Variants in SLC23A2 observed in about 807,000 individuals in gnomAD.
SLC23A2 encodes solute carrier family 23 member 2.
Under a neutral mutation model 73.3 loss-of-function variants are expected in SLC23A2, and 36 were observed. That is an observed-to-expected ratio of 0.49 (90% CI 0.38 to 0.65). The LOEUF (loss-of-function observed/expected upper bound fraction) is 0.65, where lower values mean the gene tolerates loss of function less well. Ranked by LOEUF, SLC23A2 falls within the 30% of genes least tolerant of loss-of-function variation. The probability of loss-of-function intolerance (pLI) is 0.00; values close to 1 mark genes in which losing one functional copy is unlikely to be tolerated. For missense variants in SLC23A2, 507 were observed against 841.6 expected (o/e 0.60, Z 4.92); for synonymous variants, 343 against 327.3 (o/e 1.05, Z -0.52).
chr20:4,949,485 C>T (rs1389396743), intron 2 of SLC23A2, among the ~76,000 whole-genome samples: 3 of 152,144 alleles, frequency 2.0e-5, no homozygotes, highest in Non-Finnish European at 4.4e-5. Flanking sequence ...TTCTCTCTCA[C>T]ATACCTAAGG....
intron 6 of SLC23A2, among the ~76,000 whole-genome samples, chr20:4,889,313 G>A (rs771012516): frequency 1.3e-5 from 2 of 152,208 alleles, no homozygotes; most frequent in Admixed American, 6.5e-5. Context: ...GGAACCCTCA[G>A]AGGACTGCAG....
chr20:4,900,142 G>T (rs1454902839), intron 5 of SLC23A2, among the ~76,000 whole-genome samples: 1 of 152,186 alleles, frequency 6.6e-6, no homozygotes, highest in Non-Finnish European at 1.5e-5. Context: ...AAAGTGCTGG[G>T]ATTACAGGCG....
chr20:4,971,618 CA>C (rs944620433), intron 1 of SLC23A2, among the ~76,000 whole-genome samples: 518 of 60,090 alleles, frequency 8.6e-3, no homozygotes, highest in African/African-American at 0.013. Context: ...CTTGTCTCTA[CA>C]AAAAAAAAAA....
At chr20:4,990,360 T>C (rs2087905489) in intron 1 of SLC23A2, among the ~76,000 whole-genome samples, 1 of 151,698 alleles carries the variant, frequency 6.6e-6, no homozygotes. Flanking sequence ...CTCTAGCTTA[T>C]TTTTTATTTT....
At chr20:4,886,284 G>A (rs75694970) in intron 6 of SLC23A2, among the ~76,000 whole-genome samples, 2,453 of 152,236 alleles carry the variant, frequency 0.016, 29 homozygotes, top group Middle Eastern at 0.058. Context: ...GTGTATTTCT[G>A]CTTTTTTACC....
In SLC23A2 at chr20:4,902,604, C is replaced by T; in HGVS notation, c.208-46G>A. 9.0e-7 allele frequency: 1 copy of T among 1,111,060 alleles called. No individual in the cohort carries two copies. Among genetic ancestry groups the T allele is most frequent in the South Asian group, 1.3e-5 (1 of 75,008 alleles). 68.8% of individuals were successfully genotyped at this position (1,111,060 alleles called of 1,614,324 possible). On this transcript the variant is annotated intron_variant, in intron 4 of 16. Coordinates refer to ENST00000338244, the MANE Select transcript of SLC23A2 (RefSeq NM_005116.6). The surrounding 1 kb of genome is among the most constrained non-coding windows in gnomAD (Gnocchi z 4.0). ...AGAAGGTGCTCATTAAACGTGAAGA[C>T]CAGTGTTAGCTCGGCCATGTACAGG...
intron 1 of SLC23A2, among the ~76,000 whole-genome samples, chr20:5,009,514 T>A (rs2088225815): frequency 6.6e-6 from 1 of 152,176 alleles, no homozygotes. Flanking sequence ...CCTCACTAAT[T>A]GTCAGTGCAT....
In SLC23A2 at chr20:4,889,701, C is replaced by T. The variant is rs80190493; in HGVS notation, c.483-3792G>A. 9.5e-3 allele frequency among the ~76,000 whole-genome samples: 1,449 copies of T among 152,032 alleles called. 25 individuals are homozygous for T. Among genetic ancestry groups the T allele is most frequent in the African/African-American group, 0.033 (1,361 of 41,448 alleles). On this transcript the variant is annotated intron_variant, in intron 6 of 16. Coordinates refer to ENST00000338244, the MANE Select transcript of SLC23A2 (RefSeq NM_005116.6). ...GGTGCACTCCCCACAAGCTGTCCTGCCCATCTCAACCTTGAGGCGGGCATC... is the reference window on the plus strand; with the variant it reads ...GGTGCACTCCCCACAAGCTGTCCTGTCCATCTCAACCTTGAGGCGGGCATC...
At chr20:4,870,480 G>A (rs1214948977) in intron 11 of SLC23A2, among the ~76,000 whole-genome samples, 3 of 152,130 alleles carry the variant, frequency 2.0e-5, no homozygotes, top group Admixed American at 1.3e-4. Flanking sequence ...GGGAGGCTGA[G>A]GCAGGAGAAT....
At chr20:4,882,414 TCA>T (rs1930925264) in intron 9 of SLC23A2, among the ~76,000 whole-genome samples, 1 of 152,140 alleles carries the variant, frequency 6.6e-6, no homozygotes, top group Non-Finnish European at 1.5e-5. Flanking sequence ...TGATGGGTAT[TCA>T]TGCTCATGTG....
Position 4,912,224 on chromosome 20 carries a change from A to G in SLC23A2, c.207+656T>C, listed in dbSNP as rs905363399. 7.2e-5 allele frequency among the ~76,000 whole-genome samples: 11 copies of G among 152,062 alleles called. No homozygotes were observed. In the East Asian group the frequency reaches 1.9e-3, roughly 27 times the overall value. On this transcript the variant is annotated intron_variant, in intron 4 of 16. Transcript: ENST00000338244. The stretch of plus-strand genomic sequence containing the variant: ...TTCAAGGAGATGGAACGAGGCACAG[A>G]GCAAAACAAAAATAAACAAAAAAAC...
rs115095181 is a variant in SLC23A2 at position 4,858,733 on chromosome 20, T to C, written c.1720+556A>G. Reference sequence around the variant, plus strand: ...CTGTCATCCCAAGCTCAGCACAGAATGTATCCATAAACAGGGATCATGGGT... The same window carrying C: ...CTGTCATCCCAAGCTCAGCACAGAACGTATCCATAAACAGGGATCATGGGT... On this transcript the variant is annotated intron_variant, in intron 16 of 16. Transcript: ENST00000338244. Among the ~76,000 whole-genome samples, 1,064 of 152,268 alleles carry C rather than the reference T, an allele frequency of 7.0e-3. 16 individuals are homozygous for C. The highest frequency in any genetic ancestry group is 0.024 in the African/African-American group (1,011 of 41,552).
intron 2 of SLC23A2, among the ~76,000 whole-genome samples, chr20:4,964,858 A>G (rs567659730): frequency 1.3e-5 from 2 of 151,100 alleles, no homozygotes; most frequent in Admixed American, 1.3e-4. Context: ...AAGAAAAGAA[A>G]AAAAGGAAGG....
chr20:4,913,608 TTTGTTGTTG>T (rs72552235), intron 3 of SLC23A2, among the ~76,000 whole-genome samples: 47 of 151,966 alleles, frequency 3.1e-4, no homozygotes, highest in African/African-American at 1.1e-3. Flanking sequence ...TTTTTTAGGT[TTTGTTGTTG>T]TTGTTGTTGT....
chr20:4,869,540 GACACACACAC>G (rs11467759), intron 12 of SLC23A2: 1 of 165,406 alleles, frequency 6.0e-6, no homozygotes, highest in African/African-American at 2.7e-5. Flanking sequence ...ATCTCCAAAT[GACACACACAC>G]ACACACACAC....
In SLC23A2 at chr20:4,899,110, G is replaced by T. The variant is rs1931652409; in HGVS notation, c.482+445C>A. Among the ~76,000 whole-genome samples the T allele has an allele frequency of 6.6e-6, 1 of 152,180 alleles. No homozygotes were observed. Among genetic ancestry groups the T allele is most frequent in the Non-Finnish European group, 1.5e-5 (1 of 68,030 alleles). ...GCCTGGTGTGTAAAAAGGGAGGAGA[G>T]CTGCAGTGTGGCTCACCCTGAGGAG... On this transcript the variant is annotated intron_variant, in intron 6 of 16. Coordinates refer to ENST00000338244, the MANE Select transcript of SLC23A2 (RefSeq NM_005116.6). The surrounding 1 kb of genome is among the most constrained non-coding windows in gnomAD (Gnocchi z 4.9).
intron 2 of SLC23A2, among the ~76,000 whole-genome samples, chr20:4,962,278 G>A (rs1385323921): frequency 6.6e-6 from 1 of 151,846 alleles, no homozygotes; most frequent in Non-Finnish European, 1.5e-5. Flanking sequence ...GTTAAGACCA[G>A]GGCACTGAGG....
At chr20:4,910,219 A>G (rs891409189) in intron 4 of SLC23A2, among the ~76,000 whole-genome samples, 21 of 151,180 alleles carry the variant, frequency 1.4e-4, no homozygotes, top group Admixed American at 2.0e-4. Context: ...CTAAAAATAC[A>G]AAAAAAAATT....
intron 2 of SLC23A2, among the ~76,000 whole-genome samples, chr20:4,959,416 C>T (rs757585357): frequency 1.3e-5 from 2 of 152,182 alleles, no homozygotes; most frequent in Non-Finnish European, 1.5e-5. Flanking sequence ...AGCAATACTA[C>T]TCCTGGGCAT....
Sources: gnomAD v4.1 joint callset for allele counts (sites outside exome capture counted in the v4.1 genomes callset) on GRCh38, gnomAD v4.1.1 for gene constraint, Gnocchi (gnomAD v3.1) non-coding constraint, MANE v1.5 for transcripts, NCBI Gene and HGNC (gene_info 2026-07-23, HGNC 2026-07-21) for gene names.